ETV6: variants seen among roughly 807,000 people sequenced by gnomAD.
ETV6 encodes ETS variant transcription factor 6.
ETV6 carries 16 observed loss-of-function variants against 51.1 expected under a neutral mutation model. The ratio of observed to expected loss-of-function variants is 0.31; its 90% CI spans 0.21 to 0.48. The LOEUF is 0.48. Among genes scored for constraint, ETV6 ranks in the 20% least tolerant of loss-of-function variants. The pLI is 0.99. For missense variants in ETV6, 458 were observed against 594.8 expected (o/e 0.77, Z 2.39); for synonymous variants, 240 against 224.1 (o/e 1.07, Z -0.64).
intron 4 of ETV6, among the ~76,000 whole-genome samples, chr12:11,858,850 C>T (rs749164938): frequency 6.6e-6 from 1 of 151,992 alleles, no homozygotes; most frequent in Non-Finnish European, 1.5e-5. Context: ...TTTCAAGCAT[C>T]GAAGTGCAAT....
At chr12:11,747,048 G>T (rs1420278231) in intron 1 of ETV6, among the ~76,000 whole-genome samples, 1 of 152,124 alleles carries the variant, frequency 6.6e-6, no homozygotes, top group Non-Finnish European at 1.5e-5. Flanking sequence ...GGTGAAGCGG[G>T]CTCCTTGGAA....
intron 2 of ETV6, among the ~76,000 whole-genome samples, chr12:11,774,240 T>G (rs1945284912): frequency 6.6e-6 from 1 of 152,198 alleles, no homozygotes; most frequent in Non-Finnish European, 1.5e-5. Context: ...CAGTTTCAGG[T>G]CCACGGTTGA....
intron 1 of ETV6, among the ~76,000 whole-genome samples, chr12:11,700,864 A>G (rs2954981): frequency 0.79 from 120,763 of 151,918 alleles, 50,547 homozygotes; most frequent in Non-Finnish European, 0.92. Context: ...AAATTCACAT[A>G]TAAGTGGACA....
intron 1 of ETV6, among the ~76,000 whole-genome samples, chr12:11,718,596 T>A (rs1161448589): frequency 7.4e-6 from 1 of 134,382 alleles, no homozygotes; most frequent in Non-Finnish European, 1.6e-5. Context: ...CGAAACCCCA[T>A]CGCTACTAAA....
At chr12:11,663,675 C>T (rs1864142338) in intron 1 of ETV6, among the ~76,000 whole-genome samples, 4 of 152,124 alleles carry the variant, frequency 2.6e-5, no homozygotes, top group Admixed American at 2.6e-4. Context: ...CTAAGAGCAT[C>T]TCCCTGGTCT....
At chr12:11,820,886 T>C (rs1946069701) in intron 2 of ETV6, among the ~76,000 whole-genome samples, 1 of 152,058 alleles carries the variant, frequency 6.6e-6, no homozygotes, top group Non-Finnish European at 1.5e-5. Flanking sequence ...TGAGGATAGA[T>C]GCAGGGAAGG....
At chr12:11,740,516 A>G (rs571986777) in intron 1 of ETV6, among the ~76,000 whole-genome samples, 1 of 152,328 alleles carries the variant, frequency 6.6e-6, no homozygotes, top group Non-Finnish European at 1.5e-5. Context: ...AGTAGTTTGA[A>G]CAACCCAGTG....
chr12:11,807,239 G>T (rs1020381922), intron 2 of ETV6, among the ~76,000 whole-genome samples: 1 of 152,202 alleles, frequency 6.6e-6, no homozygotes, highest in South Asian at 2.1e-4. Context: ...AGAAGCAGGC[G>T]TCTACTTAAT....
intron 1 of ETV6, among the ~76,000 whole-genome samples, chr12:11,714,118 T>G (rs982251406): frequency 2.6e-5 from 4 of 152,194 alleles, no homozygotes; most frequent in Non-Finnish European, 5.9e-5. Flanking sequence ...GTATCCTTAG[T>G]GTCAGAACAG....
rs1438421159 is a variant in ETV6, at chr12:11,804,613, C to T, written c.164-34527C>T. ...ATCCAGGCCTCTGCTTAAATATCAC[C>T]TCCTTAGAGAAGCTTCCCCAACAGC... On this transcript the variant is annotated intron_variant, in intron 2 of 7. Transcript: ENST00000396373. Among the ~76,000 whole-genome samples the T allele has an allele frequency of 2.6e-5, 4 of 152,230 alleles. No individual in the cohort carries two copies. The South Asian group carries it at 8.3e-4, about 31-fold the overall frequency.
intron 2 of ETV6, among the ~76,000 whole-genome samples, chr12:11,785,493 G>C (rs1330057342): frequency 6.6e-6 from 1 of 152,008 alleles, no homozygotes; most frequent in African/African-American, 2.4e-5. Flanking sequence ...GGATTTTTCT[G>C]TTTCGTTCAT....
chr12:11,661,383 G>A (rs1422210630), intron 1 of ETV6, among the ~76,000 whole-genome samples: 1 of 152,236 alleles, frequency 6.6e-6, no homozygotes, highest in African/African-American at 2.4e-5. Flanking sequence ...TTTGAGACCC[G>A]TCACTCTCCT....
chr12:11,698,056 A>T (rs977215607), intron 1 of ETV6, among the ~76,000 whole-genome samples: 2 of 152,176 alleles, frequency 1.3e-5, no homozygotes, highest in Non-Finnish European at 2.9e-5. Flanking sequence ...TACCATAGAA[A>T]ACTATTACTC....
chr12:11,743,138 G>A (rs1231581879), intron 1 of ETV6, among the ~76,000 whole-genome samples: 1 of 152,092 alleles, frequency 6.6e-6, no homozygotes, highest in Non-Finnish European at 1.5e-5. Flanking sequence ...ACCGTGTGAC[G>A]ACAAAGGCTG....
At chr12:11,761,570 T>C (rs1945086524) in intron 2 of ETV6, among the ~76,000 whole-genome samples, 1 of 152,258 alleles carries the variant, frequency 6.6e-6, no homozygotes, top group Non-Finnish European at 1.5e-5. Context: ...TTCCTGATAA[T>C]TTGTGTTAAG....
At chr12:11,727,421 G>C (rs1410019873) in intron 1 of ETV6, among the ~76,000 whole-genome samples, 7 of 152,230 alleles carry the variant, frequency 4.6e-5, no homozygotes, top group Admixed American at 4.6e-4. Context: ...GGAGCTTTCT[G>C]TTCTATTTGT....
chr12:11,822,543 G>A (rs73277143), intron 2 of ETV6, among the ~76,000 whole-genome samples: 5,807 of 152,254 alleles, frequency 0.038, 220 homozygotes, highest in East Asian at 0.1. Context: ...AACCGGAAGA[G>A]TGTTTAACCT....
At chr12:11,703,675 A>C (rs1281938558) in intron 1 of ETV6, among the ~76,000 whole-genome samples, 3 of 152,218 alleles carry the variant, frequency 2.0e-5, no homozygotes, top group Non-Finnish European at 4.4e-5. Flanking sequence ...ATTCTGAATG[A>C]TCAATAGAGC....
At chr12:11,890,810 A>G in intron 7 of ETV6, 131 bp from the exon 8 acceptor site, 1 of 745,370 alleles carries the variant, frequency 1.3e-6, no homozygotes, top group Non-Finnish European at 2.4e-6. Context: ...AGTTAACATT[A>G]ATCTCGGGGT....
Sources: gnomAD v4.1 joint callset for allele counts (sites outside exome capture counted in the v4.1 genomes callset) on GRCh38, gnomAD v4.1.1 for gene constraint, MANE v1.5 for transcripts, NCBI Gene and HGNC (gene_info 2026-07-23, HGNC 2026-07-21) for gene names.